DPP6: variants seen among roughly 807,000 people sequenced by gnomAD.
DPP6 encodes the protein dipeptidyl peptidase like 6, also known as A-type potassium channel modulatory protein DPP6.
A neutral mutation model predicts 122.6 loss-of-function variants in DPP6; 69 were observed. The ratio of observed to expected loss-of-function variants is 0.56; its 90% CI spans 0.46 to 0.69. The LOEUF (loss-of-function observed/expected upper bound fraction) is 0.69, where lower values mean the gene tolerates loss of function less well. Among genes scored for constraint, DPP6 ranks in the 30% least tolerant of loss-of-function variants. The probability of loss-of-function intolerance (pLI) is 0.00; values close to 1 mark genes in which losing one functional copy is unlikely to be tolerated. For missense variants in DPP6, 928 were observed against 1,116.9 expected, an observed-to-expected ratio of 0.83 and a Z score of 2.41; for synonymous variants, 418 against 433.1, an observed-to-expected ratio of 0.97 and a Z score of 0.43.
chr7:154,528,868 G>A (rs911036735), intron 3 of DPP6, among the ~76,000 whole-genome samples: 2 of 152,188 alleles, frequency 1.3e-5, no homozygotes, highest in South Asian at 2.1e-4. Flanking sequence ...CAGGTGCAGG[G>A]AGCAGTGTGA....
At chr7:154,005,730 G>A (rs1163159415) in intron 1 of DPP6, among the ~76,000 whole-genome samples, 1 of 150,480 alleles carries the variant, frequency 6.6e-6, no homozygotes. Context: ...GGGTGCTGGA[G>A]CAGGGAGGTG....
chr7:154,271,598 A>T (rs1461700646), intron 1 of DPP6, among the ~76,000 whole-genome samples: 1 of 152,172 alleles, frequency 6.6e-6, no homozygotes, highest in Non-Finnish European at 1.5e-5. Context: ...GTTCTGTTTG[A>T]AAAGAGTGTA....
chr7:153,787,037 C>T, the DPP6 span, among the ~76,000 whole-genome samples: 4 of 146,770 alleles, frequency 2.7e-5, no homozygotes, highest in Admixed American at 6.8e-5. Context: ...CTGCAAGCTC[C>T]GCTTCCCGGG....
chr7:153,959,258 C>T (rs1275880643), intron 1 of DPP6, among the ~76,000 whole-genome samples: 3 of 151,836 alleles, frequency 2.0e-5, no homozygotes, highest in Admixed American at 1.3e-4. Flanking sequence ...TTCCCTGGCA[C>T]ATAGCATGCT....
intron 1 of DPP6, among the ~76,000 whole-genome samples, chr7:154,308,964 A>G (rs1340916147): frequency 6.6e-6 from 1 of 150,786 alleles, no homozygotes; most frequent in African/African-American, 2.5e-5. Flanking sequence ...GTATGCACAC[A>G]CAAACAAATG....
chr7:154,091,404 A>T (rs1563189992), intron 1 of DPP6, among the ~76,000 whole-genome samples: 1 of 152,278 alleles, frequency 6.6e-6, no homozygotes, highest in Middle Eastern at 3.4e-3. Context: ...ATAGCTGGGC[A>T]TATTTCTATT....
intron 1 of DPP6, among the ~76,000 whole-genome samples, chr7:153,994,900 G>A (rs1166867590): frequency 1.3e-5 from 2 of 152,182 alleles, no homozygotes; most frequent in Non-Finnish European, 1.5e-5. Flanking sequence ...TTTGCCCTAA[G>A]CAGACATTTG....
chr7:154,856,942 C>A (rs995200937), intron 17 of DPP6, among the ~76,000 whole-genome samples: 2 of 152,152 alleles, frequency 1.3e-5, no homozygotes, highest in East Asian at 3.8e-4. Context: ...GACACCATTG[C>A]GCTTGATCTC....
intron 7 of DPP6, among the ~76,000 whole-genome samples, chr7:154,726,725 C>T (rs1842083620): frequency 6.6e-6 from 1 of 152,216 alleles, no homozygotes; most frequent in South Asian, 2.1e-4. Context: ...GAATTCCTCC[C>T]TAGAAAGTGA....
chr7:154,520,059 A>G (rs1318854644), intron 3 of DPP6, among the ~76,000 whole-genome samples: 1 of 152,218 alleles, frequency 6.6e-6, no homozygotes, highest in African/African-American at 2.4e-5. Flanking sequence ...AAAACGCTGC[A>G]ATGGGATTAG....
At chr7:153,935,511 C>G (rs150635369) in intron 1 of DPP6, among the ~76,000 whole-genome samples, 2 of 152,188 alleles carry the variant, frequency 1.3e-5, no homozygotes, top group African/African-American at 2.4e-5. Flanking sequence ...CCCTGCCGTC[C>G]GAGGCCCCGT....
chr7:154,188,319 C>G (rs1798449643), intron 1 of DPP6, among the ~76,000 whole-genome samples: 1 of 152,104 alleles, frequency 6.6e-6, no homozygotes, highest in Non-Finnish European at 1.5e-5. Context: ...CTTTCCCCCC[C>G]AAATATATTT....
At chr7:154,017,728 A>AAAAAAAAAAAAAAAAAAAAAAT (rs1798495583) in intron 1 of DPP6, among the ~76,000 whole-genome samples, 1 of 92,458 alleles carries the variant, frequency 1.1e-5, no homozygotes, top group African/African-American at 6.5e-5. Flanking sequence ...ATAAAAAAAT[A>AAAAAAAAAAAAAAAAAAAAAAT]AAAAAAAAAA....
At chr7:153,943,630 A>C (rs865846883) in intron 1 of DPP6, among the ~76,000 whole-genome samples, 1 of 152,146 alleles carries the variant, frequency 6.6e-6, no homozygotes, top group African/African-American at 2.4e-5. Flanking sequence ...TCTCAGTTGC[A>C]AACACCCCCA....
At chr7:154,209,670 T>C (rs763895011) in intron 1 of DPP6, among the ~76,000 whole-genome samples, 1 of 152,160 alleles carries the variant, frequency 6.6e-6, no homozygotes, top group Non-Finnish European at 1.5e-5. Flanking sequence ...CAAACCACCA[T>C]GAATTATCAT....
the DPP6 span, among the ~76,000 whole-genome samples, chr7:153,829,944 A>G: frequency 2.6e-5 from 4 of 152,306 alleles, no homozygotes; most frequent in East Asian, 7.7e-4. Context: ...CTGTGATTCT[A>G]TGTGCCTTGC....
intron 3 of DPP6, among the ~76,000 whole-genome samples, chr7:154,485,525 A>G (rs1397994802): frequency 2.0e-5 from 3 of 152,208 alleles, no homozygotes; most frequent in Non-Finnish European, 4.4e-5. Context: ...CAGTTTCAAC[A>G]GTATCCTGTC....
chr7:154,327,016 A>T (rs1047074485), intron 1 of DPP6, among the ~76,000 whole-genome samples: 9 of 152,140 alleles, frequency 5.9e-5, no homozygotes, highest in Non-Finnish European at 1.3e-4. Flanking sequence ...AGGTCACAGG[A>T]TCGTTAGACA....
intron 1 of DPP6, among the ~76,000 whole-genome samples, chr7:154,150,114 C>A (rs71221681): frequency 2.0e-5 from 3 of 152,040 alleles, no homozygotes; most frequent in Non-Finnish European, 4.4e-5. Flanking sequence ...ATGATGTCAC[C>A]TTCACGAGGA....
Sources: gnomAD v4.1 joint callset for allele counts (sites outside exome capture counted in the v4.1 genomes callset) on GRCh38, gnomAD v4.1.1 for gene constraint, MANE v1.5 for transcripts, NCBI Gene and HGNC (gene_info 2026-07-23, HGNC 2026-07-21) for gene names.